GPR4: variants seen among roughly 807,000 people sequenced by gnomAD.
GPR4 encodes G protein-coupled receptor 4.
A neutral mutation model predicts 17.8 loss-of-function variants in GPR4; 11 were observed. The observed-to-expected ratio is 0.62, with a 90% CI of 0.39 to 1.02. The LOEUF is 1.02. GPR4 is among the 50% of genes least tolerant of loss of function. The probability of loss-of-function intolerance (pLI) is 0.00; values close to 1 mark genes in which losing one functional copy is unlikely to be tolerated. For synonymous variants in GPR4, 219 were observed against 222.8 expected (o/e 0.98, Z 0.15); for missense variants, 364 against 495.4 (o/e 0.73, Z 2.52).
At chr19:45,593,310 C>T (rs562864739) in intron 1 of GPR4, among the ~76,000 whole-genome samples, 1 of 151,300 alleles carries the variant, frequency 6.6e-6, no homozygotes, top group African/African-American at 2.4e-5. Context: ...AACAGCCTGG[C>T]CAACATGGTG....
In GPR4 at chr19:45,590,661, T is replaced by C. The variant is rs1969979681; in HGVS notation, c.*117A>G. On this transcript the variant is annotated 3_prime_UTR_variant, in exon 2 of 2. Transcript: ENST00000323040. ...ACCAACCTCACTCTTCCTAAGTTCT[T>C]GTATTCTTATGAATATTAACACAGC... The C allele has an allele frequency of 7.7e-7, 1 of 1,293,490 alleles. No homozygotes were observed. The highest frequency in any genetic ancestry group is 2.4e-5 in the East Asian group (1 of 41,524). 80.1% of individuals were successfully genotyped at this position (1,293,490 alleles called of 1,614,324 possible). A position where few individuals can be genotyped will look rare whatever the true frequency, so the allele number is the denominator to read the frequency against.
In GPR4 at chr19:45,591,769, G is replaced by A; in HGVS notation, c.98C>T (p.Pro33Leu). The change falls in exon 2 of 2, where the codon CCC (proline) becomes CTC (leucine). Residue 33 changes from proline (P) to leucine (L), a missense_variant. Around this residue, in one of 3 missense-constraint regions of GPR4, gnomAD observed 271 missense variants for 373.1 expected, o/e 0.73. Coordinates refer to ENST00000323040, the MANE Select transcript of GPR4 (RefSeq NM_005282.3). The surrounding 1 kb of genome is among the most constrained non-coding windows in gnomAD (Gnocchi z 7.6). ...LYIFVIGVGL[P>L]TNCLALWAAY... ...CGCCCACAGAGCCAGGCAGTTGGTG[G>A]GCAGCCCCACGCCGATGACAAAGAT... 1 of 1,613,528 alleles carries A rather than the reference G, an allele frequency of 6.2e-7. No homozygotes were observed. The highest frequency in any genetic ancestry group is 8.5e-7 in the Non-Finnish European group (1 of 1,179,862).
chr19:45,600,306 C>T (rs948542687), intron 1 of GPR4, among the ~76,000 whole-genome samples: 3 of 152,164 alleles, frequency 2.0e-5, no homozygotes, highest in Non-Finnish European at 2.9e-5. Flanking sequence ...ATTATAGGCC[C>T]TGTCCCCGAG....
At chr19:45,593,600 G>A (rs1245672047) in intron 1 of GPR4, among the ~76,000 whole-genome samples, 1 of 151,890 alleles carries the variant, frequency 6.6e-6, no homozygotes, top group African/African-American at 2.4e-5. Flanking sequence ...TTTTCCTGCA[G>A]AATTCCTGTA....
Position 45,591,009 on chromosome 19 carries a change from G to C in GPR4, c.858C>G (p.Tyr286Ter), listed in dbSNP as rs1435889609. The C allele has an allele frequency of 6.2e-6, 10 of 1,613,842 alleles. No individual in the cohort carries two copies. Among genetic ancestry groups the C allele is most frequent in the Non-Finnish European group, 7.6e-6 (9 of 1,180,046 alleles). ...SLNCVADPIL[Y>*]CLVNEGARSD... ...TGCGGGCGCCCTCGTTGACCAGGCA[G>C]TAGAGGATGGGGTCCGCCACACAGT... The change falls in exon 2 of 2, where the codon TAC becomes TAG. Residue 286 changes from tyrosine (Y) to a stop codon, truncating the protein, a stop_gained. Coordinates refer to ENST00000323040, the MANE Select transcript of GPR4 (RefSeq NM_005282.3). LOFTEE classifies it high-confidence loss of function. This position sits in a 1 kb window ranked among gnomAD's most constrained non-coding sequence, Gnocchi z 7.6.
chr19:45,595,632 C>G (rs1210245393), intron 1 of GPR4, among the ~76,000 whole-genome samples: 1 of 152,194 alleles, frequency 6.6e-6, no homozygotes, highest in East Asian at 1.9e-4. Context: ...TGACTATCAT[C>G]AACCCCGCAG....
intron 1 of GPR4, chr19:45,599,895 T>A (rs749711236): frequency 6.6e-6 from 1 of 152,224 alleles, no homozygotes; most frequent in Non-Finnish European, 1.5e-5. Flanking sequence ...ATGATTTTTT[T>A]AAGCATTCTA....
intron 1 of GPR4, among the ~76,000 whole-genome samples, chr19:45,600,431 A>G (rs888580089): frequency 6.6e-6 from 1 of 150,854 alleles, no homozygotes; most frequent in Non-Finnish European, 1.5e-5. Context: ...CAAACCAACT[A>G]TTGCCCCTCT....
Position 45,591,824 on chromosome 19 carries a change from C to T in GPR4, c.43G>A (p.Val15Met), listed in dbSNP as rs763872953. 3.7e-5 allele frequency: 59 copies of T among 1,589,102 alleles called. No individual in the cohort carries two copies. In the East Asian group the frequency reaches 4.1e-4, roughly 11 times the overall value. The change falls in exon 2 of 2, where the codon GTG becomes ATG. Residue 15 changes from valine (V) to methionine (M), a missense_variant. By Grantham distance (21) the Val-to-Met change is conservative (BLOSUM62 1). Coordinates refer to ENST00000323040, the MANE Select transcript of GPR4 (RefSeq NM_005282.3). The surrounding 1 kb of genome is among the most constrained non-coding windows in gnomAD (Gnocchi z 7.6). ...TWEGCHVDSR[V>M]DHLFPPSLYI... ...AGGGATGGCGGAAAGAGGTGGTCCA[C>T]GCGCGAGTCCACGTGGCAGCCCTCC...
chr19:45,598,234 C>T (rs59063421), intron 1 of GPR4, among the ~76,000 whole-genome samples: 40,712 of 151,958 alleles, frequency 0.27, 5,836 homozygotes, highest in East Asian at 0.36. Context: ...TGCTAGAATG[C>T]GATATCAGCT....
At chr19:45,598,657 C>A (rs995515940) in intron 1 of GPR4, among the ~76,000 whole-genome samples, 1 of 152,104 alleles carries the variant, frequency 6.6e-6, no homozygotes, top group African/African-American at 2.4e-5. Flanking sequence ...ACTCTTAGAA[C>A]GCCACAGTGC....
chr19:45,598,917 A>G (rs527954767), intron 1 of GPR4, among the ~76,000 whole-genome samples: 2 of 152,252 alleles, frequency 1.3e-5, no homozygotes, highest in South Asian at 2.1e-4. Context: ...AGAACCTACT[A>G]GAAGATACGA....
intron 1 of GPR4, among the ~76,000 whole-genome samples, chr19:45,596,751 C>T (rs896688698): frequency 6.6e-6 from 1 of 151,382 alleles, no homozygotes; most frequent in African/African-American, 2.4e-5. Flanking sequence ...CCCCATGTTG[C>T]CCAGGCCGGT....
rs757428926 is a variant in GPR4 at position 45,591,457 on chromosome 19, A to C, written c.410T>G (p.Val137Gly). Residue 137 changes from valine (V) to glycine (G), a missense_variant, in exon 2 of 2, where the codon GTG (valine) becomes GGG (glycine). Val to Gly is a moderately radical substitution (Grantham distance 109). Around this residue, in one of 3 missense-constraint regions of GPR4, gnomAD observed 271 missense variants for 373.1 expected, o/e 0.73. Coordinates refer to ENST00000323040, the MANE Select transcript of GPR4 (RefSeq NM_005282.3). The surrounding 1 kb of genome is among the most constrained non-coding windows in gnomAD (Gnocchi z 7.6). ...RLRRVKTAVA[V>G]SSVVWATELG... ...CTCCGTGGCCCAGACCACGGAGCTC[A>C]CGGCCACGGCGGTCTTGACGCGGCG... The C allele has an allele frequency of 6.2e-7, 1 of 1,607,694 alleles. No individual in the cohort carries two copies. The highest frequency in any genetic ancestry group is 1.3e-5 in the African/African-American group (1 of 74,276).
chr19:45,590,877 C>T lies in GPR4; in HGVS notation c.990G>A (p.Lys330=), dbSNP rs752313186. 1 of 1,614,136 alleles carries T rather than the reference C, an allele frequency of 6.2e-7. No individual in the cohort carries two copies. The highest frequency in any genetic ancestry group is 1.7e-5 in the Admixed American group (1 of 60,020). The change falls in exon 2 of 2, where the codon AAG becomes AAA. Residue 330 remains lysine, a synonymous_variant. Coordinates refer to ENST00000323040, the MANE Select transcript of GPR4 (RefSeq NM_005282.3). ...SLTLETPLTS[K]RNSTAKAMTG... is the part of the protein sequence containing the mutation. The stretch of plus-strand genomic sequence containing the variant: ...TCATGGCTTTGGCTGTGCTGTTCCT[C>T]TTGGAGGTGAGTGGGGTCTCCAGGG...
intron 1 of GPR4, among the ~76,000 whole-genome samples, chr19:45,599,383 C>T (rs1310946624): frequency 6.6e-6 from 1 of 151,930 alleles, no homozygotes; most frequent in Non-Finnish European, 1.5e-5. Flanking sequence ...ACCAGGCTAT[C>T]TCACCTCCCC....
Position 45,591,604 on chromosome 19 carries a change from C to G in GPR4, c.263G>C (p.Gly88Ala), listed in dbSNP as rs1375869338. Residue 88 changes from glycine to alanine, a missense_variant, in exon 2 of 2, where the codon GGG (glycine) becomes GCG (alanine). Physicochemically the swap from Gly to Ala is moderately conservative, Grantham distance 60. Transcript: ENST00000323040. The surrounding 1 kb of genome is among the most constrained non-coding windows in gnomAD (Gnocchi z 7.6). ...LHHDNWIHGP[G>A]SCKLFGFIFY... The stretch of plus-strand genomic sequence containing the variant: ...GATGAACCCAAAGAGCTTGCAGGAC[C>G]CGGGGCCGTGGATCCAGTTGTCGTG... 2.5e-6 allele frequency: 4 copies of G among 1,614,100 alleles called. No individual in the cohort carries two copies. The highest frequency in any genetic ancestry group is 3.4e-6 in the Non-Finnish European group (4 of 1,180,004).
chr19:45,593,050 TA>T (rs1370723087), intron 1 of GPR4, among the ~76,000 whole-genome samples: 1 of 151,478 alleles, frequency 6.6e-6, no homozygotes, highest in African/African-American at 2.4e-5. Context: ...ATAAAAATAT[TA>T]GCCAGGTGTG....
intron 1 of GPR4, among the ~76,000 whole-genome samples, chr19:45,594,442 A>C (rs932799341): frequency 4.8e-5 from 7 of 144,684 alleles, no homozygotes; most frequent in Non-Finnish European, 7.6e-5. Flanking sequence ...AAAAAAAAAA[A>C]GAGATCCTCC....
Sources: allele counts gnomAD v4.1 joint callset (sites outside exome capture counted in the v4.1 genomes callset), GRCh38; gene constraint gnomAD v4.1.1; regional missense constraint gnomAD v4.1.1; non-coding constraint Gnocchi (gnomAD v3.1); transcripts MANE v1.5; gene names NCBI Gene and HGNC (gene_info 2026-07-23, HGNC 2026-07-21).